Variants in BMPR2 observed in about 807,000 individuals in gnomAD.
The protein encoded by BMPR2 is bone morphogenetic protein receptor type-2.
In BMPR2, 29 loss-of-function variants were observed where a neutral mutation model predicts 100.8. The ratio of observed to expected loss-of-function variants is 0.29; its 90% CI spans 0.21 to 0.39. BMPR2 has a LOEUF of 0.39. BMPR2 is among the 10% of genes least tolerant of loss of function. The probability of loss-of-function intolerance (pLI) is 1.00; values close to 1 mark genes in which losing one functional copy is unlikely to be tolerated. For synonymous variants in BMPR2, 382 were observed against 442.3 expected, an observed-to-expected ratio of 0.86 and a Z score of 1.71; for missense variants, 1,011 against 1,274.5, an observed-to-expected ratio of 0.79 and a Z score of 3.15.
At chr2:202,501,001 C>G (rs1243550636) in intron 3 of BMPR2, among the ~76,000 whole-genome samples, 2 of 152,200 alleles carry the variant, frequency 1.3e-5, no homozygotes, top group Non-Finnish European at 2.9e-5. Context: ...TAAGCCACTT[C>G]TCAAGTCCAG....
intron 1 of BMPR2, among the ~76,000 whole-genome samples, chr2:202,429,924 C>T (rs1396151894): frequency 6.6e-6 from 1 of 152,104 alleles, no homozygotes; most frequent in African/African-American, 2.4e-5. Context: ...ATGGGGATTA[C>T]GATTTGAGAT....
chr2:202,409,385 T>C (rs545853934), intron 1 of BMPR2, among the ~76,000 whole-genome samples: 1 of 151,954 alleles, frequency 6.6e-6, no homozygotes, highest in Admixed American at 6.6e-5. Context: ...TTCAAAAAAA[T>C]TATATTTTCC....
At chr2:202,427,279 A>G (rs1691405858) in intron 1 of BMPR2, among the ~76,000 whole-genome samples, 1 of 144,930 alleles carries the variant, frequency 6.9e-6, no homozygotes, top group Non-Finnish European at 1.5e-5. Flanking sequence ...AGGATTGCTT[A>G]GGCCCGGGAG....
chr2:202,490,340 G>A (rs1187516170), intron 3 of BMPR2, among the ~76,000 whole-genome samples: 1 of 151,888 alleles, frequency 6.6e-6, no homozygotes, highest in African/African-American at 2.4e-5. Flanking sequence ...ACACACACGA[G>A]GTTGTACTAA....
chr2:202,393,868 A>G (rs1690600203), intron 1 of BMPR2, among the ~76,000 whole-genome samples: 1 of 142,910 alleles, frequency 7.0e-6, no homozygotes, highest in South Asian at 2.3e-4. Context: ...CATCTAATTA[A>G]GGTAATGAGA....
chr2:202,418,113 G>A (rs1371460188), intron 1 of BMPR2, among the ~76,000 whole-genome samples: 2 of 152,132 alleles, frequency 1.3e-5, no homozygotes, highest in Non-Finnish European at 2.9e-5. Context: ...AAGAATTCAT[G>A]TGATTTGCCG....
chr2:202,512,083 T>C (rs1171761732), intron 3 of BMPR2, among the ~76,000 whole-genome samples: 1 of 152,006 alleles, frequency 6.6e-6, no homozygotes, highest in African/African-American at 2.4e-5. Flanking sequence ...TAAGAGTATT[T>C]CAGTGTTGTT....
At chr2:202,540,878 T>C (rs1380901809) in intron 9 of BMPR2, among the ~76,000 whole-genome samples, 1 of 152,094 alleles carries the variant, frequency 6.6e-6, no homozygotes, top group Non-Finnish European at 1.5e-5. Flanking sequence ...GTCATTTTAA[T>C]AGGGTGGGAG....
At chr2:202,428,761 A>T (rs1201976194) in intron 1 of BMPR2, among the ~76,000 whole-genome samples, 1 of 152,174 alleles carries the variant, frequency 6.6e-6, no homozygotes, top group Admixed American at 6.5e-5. Flanking sequence ...TGAAAATGGA[A>T]AGATTTATTC....
intron 3 of BMPR2, among the ~76,000 whole-genome samples, chr2:202,492,137 G>A (rs1011186828): frequency 5.3e-5 from 8 of 152,062 alleles, no homozygotes; most frequent in Admixed American, 2.0e-4. Flanking sequence ...AGAAAAGCAA[G>A]GAAATGATTA....
At chr2:202,552,089 G>A (rs1305114449) in intron 10 of BMPR2, among the ~76,000 whole-genome samples, 13 of 152,036 alleles carry the variant, frequency 8.6e-5, no homozygotes, top group Non-Finnish European at 1.5e-4. Context: ...TCCTGACCTC[G>A]TGATCCACCC....
intron 3 of BMPR2, among the ~76,000 whole-genome samples, chr2:202,505,680 T>C (rs1687506642): frequency 1.3e-5 from 2 of 152,190 alleles, no homozygotes; most frequent in Non-Finnish European, 2.9e-5. Context: ...GCTGGCACTC[T>C]ATAACCACTT....
intron 1 of BMPR2, among the ~76,000 whole-genome samples, chr2:202,410,944 A>G (rs1190142753): frequency 1.3e-5 from 2 of 152,192 alleles, no homozygotes. Context: ...TTATGTTCAC[A>G]GTAAAATTGA....
intron 1 of BMPR2, among the ~76,000 whole-genome samples, chr2:202,429,761 C>T (rs1199468641): frequency 2.0e-5 from 3 of 152,144 alleles, no homozygotes; most frequent in African/African-American, 7.2e-5. Context: ...GTGCCTTCTT[C>T]ACAAGGCAGC....
intron 9 of BMPR2, among the ~76,000 whole-genome samples, chr2:202,535,868 C>T (rs1343799135): frequency 7.7e-4 from 118 of 152,334 alleles, no homozygotes; most frequent in African/African-American, 2.6e-3. Context: ...GGATCACTCG[C>T]GGTTAGGGGC....
At chr2:202,539,104 A>T (rs537327852) in intron 9 of BMPR2, among the ~76,000 whole-genome samples, 1 of 152,284 alleles carries the variant, frequency 6.6e-6, no homozygotes, top group African/African-American at 2.4e-5. Flanking sequence ...AAGACAAATG[A>T]TCAGAAAAGT....
chr2:202,409,456 CTG>C (rs1284243236), intron 1 of BMPR2, among the ~76,000 whole-genome samples: 1 of 152,174 alleles, frequency 6.6e-6, no homozygotes, highest in Non-Finnish European at 1.5e-5. Flanking sequence ...TGGCTCATGA[CTG>C]TAATCCTAGC....
intron 1 of BMPR2, among the ~76,000 whole-genome samples, chr2:202,391,610 T>C (rs1195437363): frequency 1.4e-5 from 2 of 146,986 alleles, no homozygotes; most frequent in Non-Finnish European, 3.0e-5. Context: ...CTCTTTTTTT[T>C]TGGAGACAGG....
intron 3 of BMPR2, among the ~76,000 whole-genome samples, chr2:202,504,678 CTT>C (rs144161668): frequency 0.036 from 4,047 of 112,324 alleles, 152 homozygotes; most frequent in African/African-American, 0.13. Context: ...ATAGTAGATT[CTT>C]TTTTTTTTTT....
Sources: allele counts gnomAD v4.1 joint callset (sites outside exome capture counted in the v4.1 genomes callset), GRCh38; gene constraint gnomAD v4.1.1; transcripts MANE v1.5; gene names NCBI Gene and HGNC (gene_info 2026-07-23, HGNC 2026-07-21).